Variants in ZNF91 observed in about 807,000 individuals in gnomAD.
The protein encoded by ZNF91 is zinc finger protein 91 (HPF7, HTF10).
ZNF91 carries 7 observed loss-of-function variants against 12.6 expected under a neutral mutation model. The observed-to-expected ratio is 0.55, with a 90% CI of 0.31 to 1.04. The LOEUF is 1.04. Among genes scored for constraint, ZNF91 ranks in the 50% least tolerant of loss-of-function variants. The probability of loss-of-function intolerance (pLI) is 0.05; values close to 1 mark genes in which losing one functional copy is unlikely to be tolerated. For synonymous variants in ZNF91, 453 were observed against 462.6 expected (o/e 0.98, Z 0.27); for missense variants, 1,217 against 1,385.4 (o/e 0.88, Z 1.93).
At chr19:23,311,149 T>C (rs1169872654), upstream of ZNF91, among the ~76,000 whole-genome samples, 1 of 152,158 alleles carries the variant, frequency 6.6e-6, no homozygotes, top group Admixed American at 6.5e-5. Flanking sequence ...ACTCACTCTC[T>C]TGCCTGGGGC....
intron 1 of ZNF91, among the ~76,000 whole-genome samples, chr19:23,323,443 CT>C (rs1491212864): frequency 7.4e-6 from 1 of 134,922 alleles, no homozygotes; most frequent in Non-Finnish European, 1.6e-5. Context: ...CATTCTTTTC[CT>C]TTTTTCTCCT....
rs1873723707 is a variant in ZNF91, at chr19:23,362,433, G to C, written c.546C>G (p.Phe182Leu). ...ATGACTTGACACATTTTTTACATTT[G>C]AAGCATTTCTTTCCAGTATGTCTTA... The part of the protein sequence containing the change: ...HTIRHTGKKC[F>L]KCKKCVKSFC... The change falls in exon 4 of 4, where the codon TTC becomes TTG. Residue 182 changes from phenylalanine to leucine, a missense_variant. By Grantham distance (22) the Phe-to-Leu change is conservative. This residue lies in a region of ZNF91 where 726 missense variants were observed against 895.5 expected (regional missense o/e 0.81). Coordinates refer to ENST00000300619, the MANE Select transcript of ZNF91 (RefSeq NM_003430.4). 3 of 1,613,698 alleles carry C rather than the reference G, an allele frequency of 1.9e-6. No homozygotes were observed. The African/African-American group carries it at 4.0e-5, about 22-fold the overall frequency.
chr19:23,352,691 A>G (rs959028085), intron 3 of ZNF91, among the ~76,000 whole-genome samples: 8 of 152,178 alleles, frequency 5.3e-5, no homozygotes, highest in Admixed American at 1.3e-4. Flanking sequence ...GAACTCACCA[A>G]TCAACTATCT....
chr19:23,333,937 A>G (rs1967964124), downstream of ZNF91, among the ~76,000 whole-genome samples: 1 of 152,138 alleles, frequency 6.6e-6, no homozygotes, highest in Non-Finnish European at 1.5e-5. Flanking sequence ...TTTGATGCCC[A>G]CACCTGGTAC....
At chr19:23,369,515 G>A (rs1009645375) in intron 3 of ZNF91, among the ~76,000 whole-genome samples, 5 of 152,124 alleles carry the variant, frequency 3.3e-5, no homozygotes, top group Non-Finnish European at 7.4e-5. Flanking sequence ...GTAACCAACA[G>A]CTCATTGAGA....
chr19:23,362,353 G>A lies in ZNF91; in HGVS notation c.626C>T (p.Ser209Phe), dbSNP rs778398469. 3 of 1,613,466 alleles carry A rather than the reference G, an allele frequency of 1.9e-6. No individual in the cohort carries two copies. Among genetic ancestry groups the A allele is most frequent in the Non-Finnish European group, 8.5e-7 (1 of 1,179,778 alleles). ...TTTTTCACATTCTTTACATTTACAGGACTTCTCTGTAATATAAACGCATTT... is the reference window on the plus strand; with the variant it reads ...TTTTTCACATTCTTTACATTTACAGAACTTCTCTGTAATATAAACGCATTT... ...QHKCVYITEKSCKCKECEKTF... is the reference protein window; with the variant it reads ...QHKCVYITEKFCKCKECEKTF... The change falls in exon 4 of 4, where the codon TCC (serine) becomes TTC (phenylalanine). Residue 209 changes from serine (S) to phenylalanine (F), a missense_variant. Coordinates refer to ENST00000300619, the MANE Select transcript of ZNF91 (RefSeq NM_003430.4).
At chr19:23,369,495 T>C (rs1378778612) in intron 3 of ZNF91, among the ~76,000 whole-genome samples, 1 of 152,056 alleles carries the variant, frequency 6.6e-6, no homozygotes, top group African/African-American at 2.4e-5. Context: ...CACCACCCCG[T>C]CTGGGAGGTG....
At chr19:23,387,809 G>A (rs1969924258) in intron 1 of ZNF91, among the ~76,000 whole-genome samples, 1 of 151,936 alleles carries the variant, frequency 6.6e-6, no homozygotes, top group Non-Finnish European at 1.5e-5. Context: ...GCATGGTGGT[G>A]GTGGGCATCT....
chr19:23,382,589 C>T (rs1969755937), intron 1 of ZNF91, among the ~76,000 whole-genome samples: 1 of 152,126 alleles, frequency 6.6e-6, no homozygotes, highest in African/African-American at 2.4e-5. Context: ...CTTCTCATCG[C>T]CACGTGGCAC....
intron 1 of ZNF91, among the ~76,000 whole-genome samples, chr19:23,377,891 A>G (rs1969560632): frequency 6.6e-6 from 1 of 152,212 alleles, no homozygotes; most frequent in African/African-American, 2.4e-5. Context: ...AGTTGATACT[A>G]AGTGTTGAAT....
chr19:23,388,757 C>T (rs1359744475), intron 1 of ZNF91, among the ~76,000 whole-genome samples: 3 of 152,048 alleles, frequency 2.0e-5, no homozygotes, highest in African/African-American at 7.2e-5. Flanking sequence ...CCTGTAATCC[C>T]AAGCTACTTG....
At chr19:23,328,104 T>C (rs73563487) in intron 1 of ZNF91, 118 of 152,244 alleles carry the variant, frequency 7.8e-4, no homozygotes, top group African/African-American at 2.7e-3. Context: ...TATCCAAATA[T>C]CTGCTTGTGA....
In ZNF91 at chr19:23,362,472, T is replaced by C; in HGVS notation, c.507A>G (p.Ser169=). 1 of 1,605,418 alleles carries C rather than the reference T, an allele frequency of 6.2e-7. No individual in the cohort carries two copies. Among genetic ancestry groups the C allele is most frequent in the African/African-American group, 1.3e-5 (1 of 74,362 alleles). The part of the protein sequence containing the change: ...YLKVFYKFLN[S]NRHTIRHTGK... ...CAGTATGTCTTATCGTATGTCTGTTTGAATTTAAAAATTTATAGAAGACTT... is the reference window on the plus strand; with the variant it reads ...CAGTATGTCTTATCGTATGTCTGTTCGAATTTAAAAATTTATAGAAGACTT... The change falls in exon 4 of 4, where the codon TCA becomes TCG. Residue 169 remains serine (S), a synonymous_variant. Coordinates refer to ENST00000300619, the MANE Select transcript of ZNF91 (RefSeq NM_003430.4).
At chr19:23,309,920 A>G (rs1211721912) in intron 1 of ZNF91, among the ~76,000 whole-genome samples, 2 of 152,150 alleles carry the variant, frequency 1.3e-5, no homozygotes, top group Non-Finnish European at 2.9e-5. Context: ...ACATGGATGA[A>G]GCCCACTGGT....
intron 3 of ZNF91, chr19:23,342,196 C>A: frequency 1.8e-6 from 1 of 560,624 alleles, no homozygotes; most frequent in South Asian, 2.3e-5. Context: ...TGTCTCATGT[C>A]TCTTCACATT....
intron 3 of ZNF91, among the ~76,000 whole-genome samples, chr19:23,371,732 T>C (rs915101507): frequency 6.6e-6 from 1 of 152,202 alleles, no homozygotes; most frequent in African/African-American, 2.4e-5. Flanking sequence ...TGTGCAGTCA[T>C]GGAAGGCAGG....
chr19:23,321,272 T>A (rs767407210), intron 1 of ZNF91, among the ~76,000 whole-genome samples: 10 of 152,158 alleles, frequency 6.6e-5, no homozygotes, highest in Non-Finnish European at 1.5e-4. Flanking sequence ...TCTCAAGCCT[T>A]GGTGCCTCTT....
At chr19:23,375,115 T>C (rs1969458087) in intron 1 of ZNF91, among the ~76,000 whole-genome samples, 1 of 152,184 alleles carries the variant, frequency 6.6e-6, no homozygotes, top group South Asian at 2.1e-4. Context: ...ATAGTTGTTA[T>C]ATATTTCAGA....
Position 23,364,027 on chromosome 19 carries a change from T to TGCCAG in ZNF91, c.254-1307_254-1303dup, listed in dbSNP as rs1968907564. 7.9e-5 allele frequency among the ~76,000 whole-genome samples: 12 copies of TGCCAG among 152,212 alleles called. No individual in the cohort carries two copies. In the South Asian group the frequency reaches 2.3e-3, roughly 29 times the overall value. ...TTGAAGCTGCAAAATAAAAGTGATG[T>TGCCAG]GCCAGGCCAGGCCAGGCATGGTGGC... On this transcript the variant is annotated intron_variant, in intron 3 of 3. Coordinates refer to ENST00000300619, the MANE Select transcript of ZNF91 (RefSeq NM_003430.4).
Sources: allele counts gnomAD v4.1 joint callset (sites outside exome capture counted in the v4.1 genomes callset), GRCh38; gene constraint gnomAD v4.1.1; regional missense constraint gnomAD v4.1.1; transcripts MANE v1.5; gene names NCBI Gene and HGNC (gene_info 2026-07-23, HGNC 2026-07-21).